The following DNM1L variants were observed in gnomAD, a reference collection of about 807,000 sequenced individuals.
The protein encoded by DNM1L is dynamin 1L, also known as dynamin-1-like protein.
Under a neutral mutation model 92.8 loss-of-function variants are expected in DNM1L, and 33 were observed. The observed-to-expected ratio is 0.36, with a 90% CI of 0.27 to 0.48. The LOEUF is 0.48. DNM1L is among the 20% of genes least tolerant of loss of function. The probability of loss-of-function intolerance (pLI) is 0.99; values close to 1 mark genes in which losing one functional copy is unlikely to be tolerated. For synonymous variants in DNM1L, 284 were observed against 305.0 expected (o/e 0.93, Z 0.72); for missense variants, 485 against 888.8 (o/e 0.55, Z 5.78).
intron 6 of DNM1L, among the ~76,000 whole-genome samples, chr12:32,715,007 CA>C (rs946723161): frequency 3.0e-4 from 46 of 151,786 alleles, no homozygotes; most frequent in Admixed American, 4.6e-4. Context: ...AAAAAACAAA[CA>C]AAAACCTGTT....
rs1216734556 is a variant in DNM1L at position 32,745,137 on chromosome 12, T to C, written c.*1727T>C. On this transcript the variant is annotated 3_prime_UTR_variant, in exon 20 of 20. Coordinates refer to ENST00000549701, the MANE Select transcript of DNM1L (RefSeq NM_012062.5). ...CTTTGAATCTGTTACTAGTACCATC[T>C]TGACAGAGGATACATGCTCCCAAAA... The C allele has an allele frequency of 5.1e-6, 2 of 390,804 alleles. No individual in the cohort carries two copies. The highest frequency in any genetic ancestry group is 4.2e-5 in the African/African-American group (2 of 47,478). The allele number at this position is 390,804 out of a possible 1,614,324, so 24.2% of individuals were successfully genotyped here.
At position 32,717,854 on chromosome 12, in the gene DNM1L, A is replaced by T. The variant is rs1189428812; in HGVS notation, c.620-789A>T. 3.6e-5 allele frequency among the ~76,000 whole-genome samples: 3 copies of T among 83,688 alleles called. 1 individual carries two copies. In the South Asian group the frequency reaches 9.0e-4, roughly 25 times the overall value. 54.9% of individuals were successfully genotyped at this position (83,688 alleles called of 152,430 possible). A position where few individuals can be genotyped will look rare whatever the true frequency, so the allele number is the denominator to read the frequency against. ...AGTATATACTATATATATTTTATAA[A>T]TATACTATATATAGTATATACTATA... On this transcript the variant is annotated intron_variant, in intron 6 of 19. Coordinates refer to ENST00000549701, the MANE Select transcript of DNM1L (RefSeq NM_012062.5).
intron 1 of DNM1L, among the ~76,000 whole-genome samples, chr12:32,686,956 T>TTTTG (rs1952039174): frequency 6.9e-6 from 1 of 143,892 alleles, no homozygotes; most frequent in African/African-American, 2.6e-5. Flanking sequence ...TTTTTTTTTT[T>TTTTG]GAGATGGAGT....
In DNM1L at chr12:32,720,665, A is replaced by T. The variant is rs1194016851; in HGVS notation, c.742A>T (p.Ser248Cys). ...GTTTCGTTATTTTTTCAACCTCAGG[A>T]GCCAGCTAGATATTAACAACAAGAA... The part of the protein sequence containing the change: ...KLGIIGVVNR[S>C]QLDINNKKSV... The change falls in exon 8 of 20, where the codon AGC becomes TGC. Residue 248 changes from serine (S) to cysteine (C), a missense_variant and splice_region_variant. By Grantham distance (112) the Ser-to-Cys change is moderately radical (BLOSUM62 -1). Transcript: ENST00000549701. 6.2e-7 allele frequency: 1 copy of T among 1,613,880 alleles called. No homozygotes were observed. Among genetic ancestry groups the T allele is most frequent in the African/African-American group, 1.3e-5 (1 of 75,054 alleles).
At chr12:32,704,694 A>G (rs1326084832) in intron 2 of DNM1L, among the ~76,000 whole-genome samples, 2 of 152,324 alleles carry the variant, frequency 1.3e-5, no homozygotes, top group East Asian at 3.9e-4. Context: ...AAAATTACAC[A>G]TTAGAATTAA....
At chr12:32,742,524 T>C (rs1287678093) in intron 18 of DNM1L, 65 bp from the exon 19 acceptor site, 1 of 1,602,084 alleles carries the variant, frequency 6.2e-7, no homozygotes, top group Non-Finnish European at 8.5e-7. Flanking sequence ...GAGGTTAGCA[T>C]CTAAGCCCAA....
In DNM1L at chr12:32,744,037, C is replaced by G. The variant is rs997575348; in HGVS notation, c.*627C>G. ...GTGTAGTTACATAGCCCTTCCAATTCTGGGTCCATTTGCACTAGCAAATTA... is the reference window on the plus strand; with the variant it reads ...GTGTAGTTACATAGCCCTTCCAATTGTGGGTCCATTTGCACTAGCAAATTA... On this transcript the variant is annotated 3_prime_UTR_variant, in exon 20 of 20. Coordinates refer to ENST00000549701, the MANE Select transcript of DNM1L (RefSeq NM_012062.5). 6.6e-6 allele frequency: 1 copy of G among 152,422 alleles called. No homozygotes were observed. The highest frequency in any genetic ancestry group is 1.5e-5 in the Non-Finnish European group (1 of 68,196). 9.4% of individuals were successfully genotyped at this position (152,422 alleles called of 1,614,324 possible).
intron 1 of DNM1L, 81 bp downstream of exon 1, chr12:32,679,546 G>A (rs1046941909): frequency 6.9e-6 from 10 of 1,451,356 alleles, no homozygotes; most frequent in Non-Finnish European, 8.4e-6. Flanking sequence ...CCACTCCCGC[G>A]CCAGCGCCCA....
intron 1 of DNM1L, among the ~76,000 whole-genome samples, chr12:32,688,782 T>G (rs1952121063): frequency 6.6e-6 from 1 of 152,240 alleles, no homozygotes; most frequent in African/African-American, 2.4e-5. Flanking sequence ...TGAATCTCTC[T>G]CTTAGTGATC....
rs954013663 is a variant in DNM1L at position 32,707,221 on chromosome 12, G to A, written c.251-146G>A. 1.1e-5 allele frequency: 6 copies of A among 557,758 alleles called. No homozygotes were observed. The African/African-American group carries it at 1.2e-4, about 11-fold the overall frequency. 34.6% of individuals were successfully genotyped at this position (557,758 alleles called of 1,614,324 possible). ...TACAATTTTAGAAAAATATAATTTA[G>A]CAGACCTTAAAATACTTGTTAACTT... On this transcript the variant is annotated intron_variant, in intron 2 of 19. Coordinates refer to ENST00000549701, the MANE Select transcript of DNM1L (RefSeq NM_012062.5).
In DNM1L at chr12:32,731,836, T is replaced by C. The variant is rs1565535023; in HGVS notation, c.1357-18T>C. ...AAACAAAAAACAAACACGTTTTTCT[T>C]TCATCTACCATTTGTAGGAATTGTT... On this transcript the variant is annotated intron_variant, in intron 11 of 19. Transcript: ENST00000549701. This position sits in a 1 kb window ranked among gnomAD's most constrained non-coding sequence, Gnocchi z 5.1. 6.3e-7 allele frequency: 1 copy of C among 1,599,856 alleles called. No homozygotes were observed. The highest frequency in any genetic ancestry group is 8.6e-7 in the Non-Finnish European group (1 of 1,167,388).
chr12:32,708,343 G>A (rs999913072), intron 4 of DNM1L, 119 bp downstream of exon 4: 23 of 646,286 alleles, frequency 3.6e-5, no homozygotes, highest in African/African-American at 1.3e-4. Context: ...CCAAAAGGCC[G>A]AGAAGCGATG....
rs1032383491 is a variant in DNM1L at position 32,738,046 on chromosome 12, G to A, written c.1674+104G>A. 20 of 1,310,646 alleles carry A rather than the reference G, an allele frequency of 1.5e-5. No homozygotes were observed. In the African/African-American group the frequency reaches 2.6e-4, roughly 17 times the overall value. The allele number at this position is 1,310,646 out of a possible 1,614,324, so 81.2% of individuals were successfully genotyped here. Reference sequence around the variant, plus strand: ...TAGAAGAATATTAATATGGGATACTGTGCTAAGGTCAGATCACTTTAGTCT... The same window carrying A: ...TAGAAGAATATTAATATGGGATACTATGCTAAGGTCAGATCACTTTAGTCT... On this transcript the variant is annotated intron_variant, in intron 15 of 19. Coordinates refer to ENST00000549701, the MANE Select transcript of DNM1L (RefSeq NM_012062.5).
intron 9 of DNM1L, among the ~76,000 whole-genome samples, chr12:32,727,692 CAAAT>C (rs2137491413): frequency 6.6e-6 from 1 of 152,270 alleles, no homozygotes; most frequent in South Asian, 2.1e-4. Context: ...AATCATGTAA[CAAAT>C]AACTTTCTGT....
At chr12:32,738,978 T>C (rs1464498196) in intron 16 of DNM1L, among the ~76,000 whole-genome samples, 1 of 152,214 alleles carries the variant, frequency 6.6e-6, no homozygotes, top group Admixed American at 6.5e-5. Flanking sequence ...TGCACAAGTT[T>C]TATTTCATTC....
intron 1 of DNM1L, among the ~76,000 whole-genome samples, chr12:32,681,237 G>T (rs980466644): frequency 6.6e-6 from 1 of 152,100 alleles, no homozygotes; most frequent in Non-Finnish European, 1.5e-5. Flanking sequence ...TTTAATGAGG[G>T]TTATTTCCAT....
intron 9 of DNM1L, chr12:32,729,026 C>T (rs11052206): frequency 0.14 from 21,441 of 152,076 alleles, 1,559 homozygotes; most frequent in Middle Eastern, 0.19. Context: ...CTCATGAACA[C>T]GTGATCCACC....
chr12:32,737,914 C>T lies in DNM1L; in HGVS notation c.1646C>T (p.Pro549Leu). 6.2e-7 allele frequency: 1 copy of T among 1,614,002 alleles called. No individual in the cohort carries two copies. Among genetic ancestry groups the T allele is most frequent in the Non-Finnish European group, 8.5e-7 (1 of 1,179,992 alleles). ...ALAPASQEPSPAASAEADGKL... is the reference protein window; with the variant it reads ...ALAPASQEPSLAASAEADGKL... ...GCACCTGCCTCCCAGGAGCCCTCCCCCGCTGCTTCTGCTGAGGCTGATGGC... is the reference window on the plus strand; with the variant it reads ...GCACCTGCCTCCCAGGAGCCCTCCCTCGCTGCTTCTGCTGAGGCTGATGGC... Residue 549 changes from proline (P) to leucine (L), a missense_variant, in exon 15 of 20, where the codon CCC (proline) becomes CTC (leucine). Pro to Leu is a moderately conservative substitution (Grantham distance 98, BLOSUM62 -3). Coordinates refer to ENST00000549701, the MANE Select transcript of DNM1L (RefSeq NM_012062.5).
At chr12:32,687,927 T>C (rs1207625075) in intron 1 of DNM1L, among the ~76,000 whole-genome samples, 1 of 152,096 alleles carries the variant, frequency 6.6e-6, no homozygotes, top group Non-Finnish European at 1.5e-5. Context: ...AATTTTATTT[T>C]ATATTATTTT....
Sources: allele counts gnomAD v4.1 joint callset (sites outside exome capture counted in the v4.1 genomes callset), GRCh38; gene constraint gnomAD v4.1.1; non-coding constraint Gnocchi (gnomAD v3.1); transcripts MANE v1.5; gene names NCBI Gene and HGNC (gene_info 2026-07-23, HGNC 2026-07-21).